Variants in PARP9 observed in about 807,000 individuals in gnomAD.
PARP9 encodes the protein poly(ADP-ribose) polymerase family member 9, also known as protein mono-ADP-ribosyltransferase PARP9.
A neutral mutation model predicts 68.8 loss-of-function variants in PARP9; 48 were observed. The observed-to-expected ratio is 0.70, with a 90% CI of 0.55 to 0.89. The LOEUF (loss-of-function observed/expected upper bound fraction) is 0.89, where lower values mean the gene tolerates loss of function less well. PARP9 is among the 40% of genes least tolerant of loss of function. The pLI is 0.00. For synonymous variants in PARP9, 309 were observed against 333.8 expected, an observed-to-expected ratio of 0.93 and a Z score of 0.81; for missense variants, 806 against 969.3, an observed-to-expected ratio of 0.83 and a Z score of 2.24.
intron 10 of PARP9, among the ~76,000 whole-genome samples, chr3:122,530,154 G>C (rs1051820714): frequency 3.4e-5 from 5 of 146,368 alleles, no homozygotes; most frequent in African/African-American, 1.3e-4. Context: ...TCCAACCTGG[G>C]TGACAAAGCA....
chr3:122,544,625 T>C (rs1269939743), intron 7 of PARP9, among the ~76,000 whole-genome samples: 1 of 151,922 alleles, frequency 6.6e-6, no homozygotes, highest in Non-Finnish European at 1.5e-5. Flanking sequence ...AAGACCAGTC[T>C]GGGCAACATG....
intron 4 of PARP9, among the ~76,000 whole-genome samples, chr3:122,553,997 C>T (rs2079429650): frequency 1.3e-5 from 2 of 152,176 alleles, no homozygotes; most frequent in South Asian, 4.1e-4. Context: ...ACTCCTTCCC[C>T]TTCCCTGCCA....
At position 122,555,924 on chromosome 3, in the gene PARP9, T is replaced by C. The variant is rs577696389; in HGVS notation, c.247A>G (p.Ile83Val). The C allele has an allele frequency of 6.2e-7, 1 of 1,613,838 alleles. No individual in the cohort carries two copies. Among genetic ancestry groups the C allele is most frequent in the African/African-American group, 1.3e-5 (1 of 74,874 alleles). ...QVFRKMLTPRIELSVWKDDLT... is the reference protein window; with the variant it reads ...QVFRKMLTPRVELSVWKDDLT... Reference sequence around the variant, plus strand: ...TCATCTTTCCAGACTGATAACTCTATCCTAGGAGTCAGCATTTTTCTGAAC... The same window carrying C: ...TCATCTTTCCAGACTGATAACTCTACCCTAGGAGTCAGCATTTTTCTGAAC... Residue 83 changes from isoleucine (I) to valine (V), a missense_variant, in exon 4 of 11, where the codon ATA (isoleucine) becomes GTA (valine). Transcript: ENST00000682323.
intron 8 of PARP9, among the ~76,000 whole-genome samples, chr3:122,539,507 A>ATTTCTTTCTTTCTTTCTTTCCTTC (rs2077943809): frequency 7.5e-6 from 1 of 133,162 alleles, no homozygotes; most frequent in Non-Finnish European, 1.6e-5. Context: ...CCAAGATGGC[A>ATTTCTTTCTTTCTTTCTTTCCTTC]TTTCTTTCTT....
upstream of PARP9, chr3:122,564,416 C>A: frequency 1.2e-6 from 2 of 1,602,818 alleles, no homozygotes; most frequent in Non-Finnish European, 1.7e-6. Context: ...GCCCTCCCGA[C>A]GCGCAGAGCC....
In PARP9 at chr3:122,559,639, A is replaced by G. The variant is rs139975713; in HGVS notation, c.-19T>C. ...AGTCCATCCTCCAGGTCCCCGGGGG[A>G]GTCTTTAAATGTTTATTCCCTTTTG... On this transcript the variant is annotated 5_prime_UTR_variant, in exon 2 of 11. Coordinates refer to ENST00000682323, the MANE Select transcript of PARP9 (RefSeq NM_001146105.2). The G allele has an allele frequency of 1.9e-6, 3 of 1,587,944 alleles. No individual in the cohort carries two copies. The East Asian group carries it at 6.8e-5, about 36-fold the overall frequency.
Position 122,550,637 on chromosome 3 carries a change from G to A in PARP9, c.1273C>T (p.His425Tyr). Residue 425 changes from histidine to tyrosine, a missense_variant, in exon 6 of 11, where the codon CAC becomes TAC. Around this residue, in one of 2 missense-constraint regions of PARP9, gnomAD observed 680 missense variants for 858.8 expected, o/e 0.79. Transcript: ENST00000682323. ...VLTFAKDHVKHQLTVKFVIFP... is the reference protein window; with the variant it reads ...VLTFAKDHVKYQLTVKFVIFP... ...ATCACAAATTTTACAGTTAACTGGT[G>A]TTTTACATGGTCTTTGGCAAATGTT... 1 of 1,613,858 alleles carries A rather than the reference G, an allele frequency of 6.2e-7. No individual in the cohort carries two copies. Among genetic ancestry groups the A allele is most frequent in the Non-Finnish European group, 8.5e-7 (1 of 1,179,992 alleles).
chr3:122,529,556 C>G (rs1384580956), intron 10 of PARP9, among the ~76,000 whole-genome samples: 1 of 151,534 alleles, frequency 6.6e-6, no homozygotes, highest in Non-Finnish European at 1.5e-5. Context: ...GGACACCATC[C>G]TGGCTAACAC....
chr3:122,560,766 G>A (rs1332049070), intron 1 of PARP9, among the ~76,000 whole-genome samples: 1 of 152,154 alleles, frequency 6.6e-6, no homozygotes, highest in African/African-American at 2.4e-5. Flanking sequence ...TACTCATCAA[G>A]GGAAAGCAGC....
intron 10 of PARP9, chr3:122,534,813 T>C (rs1402512297): frequency 1.7e-6 from 1 of 602,152 alleles, no homozygotes; most frequent in Admixed American, 6.3e-5. Flanking sequence ...GAGGCGGAGG[T>C]TGCAGTGAGC....
At position 122,540,543 on chromosome 3, in the gene PARP9, A is replaced by G. The variant is rs776477509; in HGVS notation, c.1694T>C (p.Ile565Thr). The change falls in exon 8 of 11, where the codon ATT becomes ACT. Residue 565 changes from isoleucine (I) to threonine (T), a missense_variant. Around this residue, in one of 2 missense-constraint regions of PARP9, gnomAD observed 680 missense variants for 858.8 expected, o/e 0.79. Coordinates refer to ENST00000682323, the MANE Select transcript of PARP9 (RefSeq NM_001146105.2). The stretch of plus-strand genomic sequence containing the variant: ...CTGTACTTTACAAAGCATATCTTCA[A>G]TGTTCATAACCACCTCAATGAGGTC... ...RADLIEVVMN[I>T]EDMLCKVQEE... is the part of the protein sequence containing the mutation. 2.5e-5 allele frequency: 40 copies of G among 1,614,036 alleles called. No homozygotes were observed. The highest frequency in any genetic ancestry group is 3.1e-5 in the Non-Finnish European group (37 of 1,180,046).
chr3:122,558,297 G>A (rs575877380), intron 3 of PARP9, 137 bp downstream of exon 3: 23 of 1,604,850 alleles, frequency 1.4e-5, no homozygotes, highest in South Asian at 5.5e-5. Context: ...AAGCATGTGC[G>A]GGGGTCCCCA....
chr3:122,539,559 C>CTTTCT (rs2077998087), intron 8 of PARP9, among the ~76,000 whole-genome samples: 1 of 82,686 alleles, frequency 1.2e-5, no homozygotes, highest in African/African-American at 4.6e-5. Flanking sequence ...TTCTTTCTTT[C>CTTTCT]TTTCTTTCTT....
chr3:122,556,625 T>G (rs1500530), intron 3 of PARP9, among the ~76,000 whole-genome samples: 33,044 of 151,942 alleles, frequency 0.22, 4,151 homozygotes, highest in Non-Finnish European at 0.27. Context: ...ATGTAAGTAG[T>G]TTATTTGGGA....
chr3:122,536,804 T>C (rs2077679770), intron 9 of PARP9, 130 bp downstream of exon 9: 4 of 1,133,744 alleles, frequency 3.5e-6, no homozygotes, highest in African/African-American at 1.6e-5. Context: ...CTTTTCAGTC[T>C]TACTGACCTA....
chr3:122,559,135 G>A (rs953774232), intron 2 of PARP9, among the ~76,000 whole-genome samples: 4 of 152,146 alleles, frequency 2.6e-5, no homozygotes, highest in African/African-American at 9.7e-5. Context: ...ATCTCCAAAA[G>A]CTCATGGGGT....
intron 3 of PARP9, among the ~76,000 whole-genome samples, chr3:122,557,605 C>A (rs921986698): frequency 2.0e-5 from 3 of 152,168 alleles, no homozygotes; most frequent in Admixed American, 6.5e-5. Context: ...GCCATTCATG[C>A]CCAACGTGGG....
chr3:122,540,801 G>A lies in PARP9; in HGVS notation c.1436C>T (p.Ser479Phe). 2 of 1,614,002 alleles carry A rather than the reference G, an allele frequency of 1.2e-6. No homozygotes were observed. Among genetic ancestry groups the A allele is most frequent in the Non-Finnish European group, 1.7e-6 (2 of 1,179,980 alleles). ...GAATCCCATCAGATTGATGGCAGGA[G>A]ATCTAGCTTCAAGCCCATTTTCTCT... The part of the protein sequence containing the change: ...EKRENGLEAR[S>F]PAINLMGFNV... Residue 479 changes from serine (S) to phenylalanine (F), a missense_variant, in exon 8 of 11, where the codon TCT becomes TTT. This residue lies in a region of PARP9 where 680 missense variants were observed against 858.8 expected (regional missense o/e 0.79). Coordinates refer to ENST00000682323, the MANE Select transcript of PARP9 (RefSeq NM_001146105.2).
chr3:122,542,093 G>A (rs2078273419), intron 7 of PARP9, among the ~76,000 whole-genome samples: 1 of 152,040 alleles, frequency 6.6e-6, no homozygotes, highest in African/African-American at 2.4e-5. Flanking sequence ...TTCTGTCTAG[G>A]AGATTATATT....
Sources: allele counts gnomAD v4.1 joint callset (sites outside exome capture counted in the v4.1 genomes callset), GRCh38; gene constraint gnomAD v4.1.1; regional missense constraint gnomAD v4.1.1; transcripts MANE v1.5; gene names NCBI Gene and HGNC (gene_info 2026-07-23, HGNC 2026-07-21).